The following ERBB3 variants were observed in gnomAD, a reference collection of about 807,000 sequenced individuals.
The protein encoded by ERBB3 is receptor tyrosine-protein kinase erbB-3.
ERBB3 carries 96 observed loss-of-function variants against 156.7 expected under a neutral mutation model. That is an observed-to-expected ratio of 0.61 (90% CI 0.52 to 0.73). The LOEUF is 0.73. Ranked by LOEUF, ERBB3 falls within the 30% of genes least tolerant of loss-of-function variation. The pLI, the probability that ERBB3 is intolerant of heterozygous loss-of-function variation, is 0.00. For missense variants in ERBB3, 1,406 were observed against 1,709.4 expected, an observed-to-expected ratio of 0.82 and a Z score of 3.13; for synonymous variants, 567 against 632.0, an observed-to-expected ratio of 0.90 and a Z score of 1.54.
intron 2 of ERBB3, 32 bp from the exon 3 acceptor site, chr12:56,084,961 GTC>G (rs779665393): frequency 6.2e-6 from 10 of 1,613,766 alleles, no homozygotes; most frequent in South Asian, 5.5e-5. Flanking sequence ...TTGCCCTGTT[GTC>G]TCTCTCATTT....
rs1204074685 is a variant in ERBB3, at chr12:56,095,781, TGAGGC to T, written c.2033_2037del (p.Arg678IlefsTer6). 1 of 1,614,120 alleles carries T rather than the reference TGAGGC, an allele frequency of 6.2e-7. No homozygotes were observed. The highest frequency in any genetic ancestry group is 2.2e-5 in the East Asian group (1 of 44,900). On this transcript the variant is annotated frameshift_variant, in exon 17 of 28. Coordinates refer to ENST00000267101, the MANE Select transcript of ERBB3 (RefSeq NM_001982.4). LOFTEE classifies it high-confidence loss of function. The stretch of plus-strand genomic sequence containing the variant: ...CGCCGGATTCAGAATAAAAGGGCTA[TGAGGC>T]GATACTTGGAACGGGGTGAGGTGAG...
rs942535022 is a variant in ERBB3, at chr12:56,086,387, T to G, written c.422-144T>G. The stretch of plus-strand genomic sequence containing the variant: ...TCCTCATCTTATAAAGGGAGTCTTC[T>G]CTGCAGCTTAGATTTAATTGGACCT... On this transcript the variant is annotated intron_variant, in intron 3 of 27. Coordinates refer to ENST00000267101, the MANE Select transcript of ERBB3 (RefSeq NM_001982.4). The G allele has an allele frequency of 3.0e-6, 3 of 993,224 alleles. No homozygotes were observed. In the Admixed American group the frequency reaches 5.4e-5, roughly 18 times the overall value. The allele number at this position is 993,224 out of a possible 1,614,324, so 61.5% of individuals were successfully genotyped here. A position where few individuals can be genotyped will look rare whatever the true frequency, so the allele number is the denominator to read the frequency against.
At chr12:56,084,944 G>A (rs1031511070) in intron 2 of ERBB3, 51 bp from the exon 3 acceptor site, 4 of 1,612,764 alleles carry the variant, frequency 2.5e-6, no homozygotes, top group Non-Finnish European at 3.4e-6. Context: ...AGGAGATTGA[G>A]ATTATTTTGC....
At chr12:56,100,822 C>T (rs1448040402) in intron 26 of ERBB3, among the ~76,000 whole-genome samples, 1 of 150,914 alleles carries the variant, frequency 6.6e-6, no homozygotes, top group Non-Finnish European at 1.5e-5. Context: ...TGCCTGTAAT[C>T]CCAGCTACTC....
chr12:56,093,347 G>A lies in ERBB3; in HGVS notation c.1277G>A (p.Arg426Gln), dbSNP rs1480617709. 4 of 1,612,784 alleles carry A rather than the reference G, an allele frequency of 2.5e-6. No homozygotes were observed. Among genetic ancestry groups the A allele is most frequent in the Non-Finnish European group, 3.4e-6 (4 of 1,179,092 alleles). Residue 426 changes from arginine (R) to glutamine (Q), a missense_variant and splice_region_variant, in exon 12 of 28, where the codon CGG (arginine) becomes CAG (glutamine). Arg to Gln is a conservative substitution (Grantham distance 43). This residue lies in a region of ERBB3 where 979 missense variants were observed against 1,219.6 expected (regional missense o/e 0.80). Coordinates refer to ENST00000267101, the MANE Select transcript of ERBB3 (RefSeq NM_001982.4). ...TTIGGRSLYN[R>Q]GFSLLIMKNL... is the part of the protein sequence containing the mutation. ...TCATCCTGTCTCCTTATTCTCAGCC[G>A]GGGCTTCTCATTGTTGATCATGAAG...
Position 56,103,175 on chromosome 12 carries a change from C to G in ERBB3, c.*1120C>G. 4.3e-6 allele frequency: 1 copy of G among 230,430 alleles called. No homozygotes were observed. The highest frequency in any genetic ancestry group is 8.6e-6 in the Non-Finnish European group (1 of 116,052). 14.3% of individuals were successfully genotyped at this position (230,430 alleles called of 1,614,324 possible). ...ACCCCAACAGCCACATCCTCCTATA[C>G]CTAGACATCTCATCTCAGGAAGTGG... On this transcript the variant is annotated 3_prime_UTR_variant, in exon 28 of 28. Coordinates refer to ENST00000267101, the MANE Select transcript of ERBB3 (RefSeq NM_001982.4).
Position 56,099,083 on chromosome 12 carries a change from G to A in ERBB3, c.2839+178G>A, listed in dbSNP as rs867392830. On this transcript the variant is annotated intron_variant, in intron 23 of 27. Coordinates refer to ENST00000267101, the MANE Select transcript of ERBB3 (RefSeq NM_001982.4). The stretch of plus-strand genomic sequence containing the variant: ...AAGAGATTCTCCTGCTTCAGCCTCC[G>A]GAGTAGCTGGGATTACAGGCGCCCG... 113 of 629,268 alleles carry A rather than the reference G, an allele frequency of 1.8e-4. 1 individual carries two copies. The highest frequency in any genetic ancestry group is 1.7e-3 in the South Asian group (83 of 49,444). 39.0% of individuals were successfully genotyped at this position (629,268 alleles called of 1,614,324 possible). A position where few individuals can be genotyped will look rare whatever the true frequency, so the allele number is the denominator to read the frequency against.
Position 56,102,087 on chromosome 12 carries a change from T to G in ERBB3, c.*32T>G, listed in dbSNP as rs1239740355. ...CTCCCTGTGGCACTCAGGGAGCATT[T>G]AATGGCAGCTAGTGCCTTTAGAGGG... On this transcript the variant is annotated 3_prime_UTR_variant, in exon 28 of 28. Transcript: ENST00000267101. 12 of 1,589,372 alleles carry G rather than the reference T, an allele frequency of 7.6e-6. No individual in the cohort carries two copies. The highest frequency in any genetic ancestry group is 8.6e-6 in the Non-Finnish European group (10 of 1,168,592).
At chr12:56,098,172 A>C in intron 21 of ERBB3, 1 of 569,060 alleles carries the variant, frequency 1.8e-6, no homozygotes. Context: ...CGGGAGGCCA[A>C]GGCGGGTGGA....
chr12:56,080,777 C>T (rs1047909966), intron 1 of ERBB3, among the ~76,000 whole-genome samples: 1 of 152,182 alleles, frequency 6.6e-6, no homozygotes, highest in Non-Finnish European at 1.5e-5. Context: ...CCCCCTGCCC[C>T]CCACCCGCGC....
At position 56,098,587 on chromosome 12, in the gene ERBB3, T is replaced by C; in HGVS notation, c.2692+12T>C. The C allele has an allele frequency of 6.2e-7, 1 of 1,609,132 alleles. No homozygotes were observed. Among genetic ancestry groups the C allele is most frequent in the African/African-American group, 1.3e-5 (1 of 74,950 alleles). ...TGTCTGGAGCTATGGTCAGTGCATC[T>C]GGATGCCCTCTCTACCATCACTGGC... On this transcript the variant is annotated intron_variant, in intron 22 of 27. Coordinates refer to ENST00000267101, the MANE Select transcript of ERBB3 (RefSeq NM_001982.4).
In ERBB3 at chr12:56,098,486, T is replaced by C; in HGVS notation, c.2617-14T>C. ...TGGAAATAAACTTGTGATACCTCTA[T>C]CTTTAATCCGCAGACTCCAATTAAG... On this transcript the variant is annotated splice_polypyrimidine_tract_variant and intron_variant, in intron 21 of 27. Transcript: ENST00000267101. 1 of 1,583,564 alleles carries C rather than the reference T, an allele frequency of 6.3e-7. No homozygotes were observed. Among genetic ancestry groups the C allele is most frequent in the Non-Finnish European group, 8.7e-7 (1 of 1,152,244 alleles).
intron 17 of ERBB3, 191 bp from the exon 18 acceptor site, chr12:56,096,312 T>C (rs937814463): frequency 3.0e-6 from 2 of 676,974 alleles, no homozygotes; most frequent in Non-Finnish European, 5.1e-6. Flanking sequence ...CCTGATCTCA[T>C]GAGCACAAAT....
chr12:56,097,680 G>T lies in ERBB3; in HGVS notation c.2461-105G>T, dbSNP rs554271166. On this transcript the variant is annotated intron_variant, in intron 20 of 27. Coordinates refer to ENST00000267101, the MANE Select transcript of ERBB3 (RefSeq NM_001982.4). ...AAACCAGTCCCTGGTGCCAAAAAAG[G>T]TTGGGGACCACTGCTGAGAGGTACC... 41 of 1,215,514 alleles carry T rather than the reference G, an allele frequency of 3.4e-5. 2 individuals are homozygous for T. In the South Asian group the frequency reaches 5.0e-4, roughly 15 times the overall value. 75.3% of individuals were successfully genotyped at this position (1,215,514 alleles called of 1,614,324 possible). A position where few individuals can be genotyped will look rare whatever the true frequency, so the allele number is the denominator to read the frequency against.
rs1024837024 is a variant in ERBB3 at position 56,099,543 on chromosome 12, C to T, written c.2840-105C>T. 3 of 923,932 alleles carry T rather than the reference C, an allele frequency of 3.2e-6. No individual in the cohort carries two copies. In the African/African-American group the frequency reaches 4.9e-5, roughly 15 times the overall value. The allele number at this position is 923,932 out of a possible 1,614,324, so 57.2% of individuals were successfully genotyped here. A position where few individuals can be genotyped will look rare whatever the true frequency, so the allele number is the denominator to read the frequency against. Reference sequence around the variant, plus strand: ...CAAAGTCCCGACCTCAGGTGATCCACCCGCCTTGGCCTCCCAAAGTGCTGG... The same window carrying T: ...CAAAGTCCCGACCTCAGGTGATCCATCCGCCTTGGCCTCCCAAAGTGCTGG... On this transcript the variant is annotated intron_variant, in intron 23 of 27. Transcript: ENST00000267101.
At chr12:56,091,281 T>TAAATA (rs1565858479) in intron 9 of ERBB3, among the ~76,000 whole-genome samples, 1 of 49,070 alleles carries the variant, frequency 2.0e-5, no homozygotes, top group Non-Finnish European at 5.0e-5. Flanking sequence ...TATATATATA[T>TAAATA]ATATATATAT....
Position 56,101,544 on chromosome 12 carries a change from G to C in ERBB3, c.3518G>C (p.Arg1173Pro), listed in dbSNP as rs138861245. ...DTHLKGTPSS[R>P]EGTLSSVGLS... is the part of the protein sequence containing the mutation. Reference sequence around the variant, plus strand: ...CAACCCCCAGGTACTCCCTCCTCCCGGGAAGGCACCCTTTCTTCAGTGGGT... The same window carrying C: ...CAACCCCCAGGTACTCCCTCCTCCCCGGAAGGCACCCTTTCTTCAGTGGGT... Residue 1173 changes from arginine (R) to proline (P), a missense_variant, in exon 28 of 28, where the codon CGG (arginine) becomes CCG (proline). Arg to Pro is a moderately radical substitution (Grantham distance 103). This residue lies in a region of ERBB3 where 415 missense variants were observed against 454.1 expected (regional missense o/e 0.91). Transcript: ENST00000267101. The C allele has an allele frequency of 2.7e-5, 43 of 1,613,766 alleles. No homozygotes were observed. The highest frequency in any genetic ancestry group is 3.6e-5 in the Non-Finnish European group (42 of 1,179,990).
At position 56,093,535 on chromosome 12, in the gene ERBB3, C is replaced by T. The variant is rs1337222529; in HGVS notation, c.1465C>T (p.Pro489Ser). Residue 489 changes from proline to serine, a missense_variant, in exon 12 of 28, where the codon CCG becomes TCG. By Grantham distance (74) the Pro-to-Ser change is moderately conservative (BLOSUM62 -1). Coordinates refer to ENST00000267101, the MANE Select transcript of ERBB3 (RefSeq NM_001982.4). ...GCGACTAGACATCAAGCATAATCGG[C>T]CGCGCAGAGACTGCGGTGAGGGAAA... The part of the protein sequence containing the change: ...EERLDIKHNR[P>S]RRDCVAEGKV... The T allele has an allele frequency of 6.2e-7, 1 of 1,611,912 alleles. No individual in the cohort carries two copies. The highest frequency in any genetic ancestry group is 8.5e-7 in the Non-Finnish European group (1 of 1,179,746).
Position 56,080,186 on chromosome 12 carries a change from C to G in ERBB3, c.-115C>G. ...GATTGCAATTTGCAACCTCCGCTGC[C>G]GTCGCCGCAGCAGCCACCAATTCGC... On this transcript the variant is annotated 5_prime_UTR_variant, in exon 1 of 28. Coordinates refer to ENST00000267101, the MANE Select transcript of ERBB3 (RefSeq NM_001982.4). The G allele has an allele frequency of 4.9e-6, 4 of 823,734 alleles. No individual in the cohort carries two copies. Among genetic ancestry groups the G allele is most frequent in the Admixed American group, 2.0e-5 (1 of 49,386 alleles). 51.0% of individuals were successfully genotyped at this position (823,734 alleles called of 1,614,324 possible).
Sources: allele counts gnomAD v4.1 joint callset (sites outside exome capture counted in the v4.1 genomes callset), GRCh38; gene constraint gnomAD v4.1.1; regional missense constraint gnomAD v4.1.1; transcripts MANE v1.5; gene names NCBI Gene and HGNC (gene_info 2026-07-23, HGNC 2026-07-21).